GRM5: variants seen among roughly 807,000 people sequenced by gnomAD.
GRM5 encodes the protein glutamate metabotropic receptor 5, also known as metabotropic glutamate receptor 5.
GRM5 carries 19 observed loss-of-function variants against 83.1 expected under a neutral mutation model. The ratio of observed to expected loss-of-function variants is 0.23; its 90% CI spans 0.16 to 0.34. The LOEUF is 0.34. Ranked by LOEUF, GRM5 falls within the 10% of genes least tolerant of loss-of-function variation. GRM5 has a pLI of 1.00. For missense variants in GRM5, 1,160 were observed against 1,588.3 expected, an observed-to-expected ratio of 0.73 and a Z score of 4.58; for synonymous variants, 675 against 633.6, an observed-to-expected ratio of 1.07 and a Z score of -0.98.
At chr11:88,710,804 A>G (rs765356379) in intron 3 of GRM5, among the ~76,000 whole-genome samples, 4 of 152,004 alleles carry the variant, frequency 2.6e-5, no homozygotes, top group Non-Finnish European at 5.9e-5. Context: ...GATACGTAAA[A>G]TCTCTACAAA....
At chr11:88,894,508 G>A (rs979926234) in intron 2 of GRM5, among the ~76,000 whole-genome samples, 8 of 151,928 alleles carry the variant, frequency 5.3e-5, no homozygotes, top group African/African-American at 1.7e-4. Context: ...TGGCACTAAG[G>A]TACTTTCTCT....
chr11:88,908,154 T>A (rs1195928077), intron 2 of GRM5, among the ~76,000 whole-genome samples: 3 of 152,164 alleles, frequency 2.0e-5, no homozygotes, highest in Non-Finnish European at 4.4e-5. Context: ...CATACAAACA[T>A]CATGTTTTCC....
At chr11:88,721,492 A>G (rs1372938137) in intron 3 of GRM5, among the ~76,000 whole-genome samples, 4 of 152,134 alleles carry the variant, frequency 2.6e-5, no homozygotes, top group Non-Finnish European at 2.9e-5. Context: ...GGTTACAAAA[A>G]CACAGTCTAA....
intron 8 of GRM5, among the ~76,000 whole-genome samples, chr11:88,548,450 C>T (rs1942430708): frequency 6.6e-6 from 1 of 152,070 alleles, no homozygotes; most frequent in Non-Finnish European, 1.5e-5. Context: ...TTAAAAAAAT[C>T]CACTGTAATC....
intron 1 of GRM5, among the ~76,000 whole-genome samples, chr11:89,055,979 C>T (rs1420732197): frequency 2.6e-5 from 4 of 152,064 alleles, no homozygotes; most frequent in Non-Finnish European, 5.9e-5. Context: ...GTGGGTAGTA[C>T]CAGAGCCAAG....
intron 3 of GRM5, among the ~76,000 whole-genome samples, chr11:88,719,039 C>T (rs1817214673): frequency 6.6e-6 from 1 of 151,640 alleles, no homozygotes; most frequent in East Asian, 1.9e-4. Context: ...TATTTTTCTC[C>T]TTAACATTTA....
chr11:88,584,574 C>T (rs1943277118), intron 7 of GRM5, among the ~76,000 whole-genome samples: 1 of 152,096 alleles, frequency 6.6e-6, no homozygotes, highest in South Asian at 2.1e-4. Context: ...TCCTGAGTAG[C>T]TGGGATTACA....
intron 1 of GRM5, among the ~76,000 whole-genome samples, chr11:89,064,455 A>C (rs1440892932): frequency 6.6e-6 from 1 of 152,186 alleles, no homozygotes; most frequent in Non-Finnish European, 1.5e-5. Context: ...ACCTCTCAGC[A>C]TGCATTATCC....
intron 2 of GRM5, among the ~76,000 whole-genome samples, chr11:88,921,360 A>C (rs1945690007): frequency 6.6e-6 from 1 of 152,214 alleles, no homozygotes; most frequent in Non-Finnish European, 1.5e-5. Context: ...GCAGTGGCTC[A>C]TGCCTGTAAT....
chr11:88,510,472 A>T (rs1941334324), intron 9 of GRM5, among the ~76,000 whole-genome samples: 1 of 152,126 alleles, frequency 6.6e-6, no homozygotes. Context: ...TCTTTCAGAA[A>T]CTTTACAAAG....
intron 8 of GRM5, among the ~76,000 whole-genome samples, chr11:88,530,989 A>G (rs371922926): frequency 1.3e-5 from 2 of 152,242 alleles, no homozygotes; most frequent in South Asian, 4.1e-4. Flanking sequence ...TCAGAATGAT[A>G]GCCGGGCTTG....
chr11:88,974,279 C>G (rs146775504), intron 2 of GRM5, among the ~76,000 whole-genome samples: 2 of 152,082 alleles, frequency 1.3e-5, no homozygotes, highest in African/African-American at 4.8e-5. Context: ...TGGGCATTTG[C>G]CTTCCCAGCT....
At chr11:88,518,197 T>A (rs1321032725) in intron 9 of GRM5, among the ~76,000 whole-genome samples, 1 of 151,960 alleles carries the variant, frequency 6.6e-6, no homozygotes, top group Non-Finnish European at 1.5e-5. Flanking sequence ...TAGAATATAC[T>A]CTGAGTAGTT....
At chr11:88,995,584 C>G (rs992250523) in intron 2 of GRM5, among the ~76,000 whole-genome samples, 1 of 135,088 alleles carries the variant, frequency 7.4e-6, no homozygotes, top group African/African-American at 2.8e-5. Context: ...CAGTGAAGTA[C>G]ATGGTATAAG....
At chr11:88,894,854 G>C (rs1590945629) in intron 2 of GRM5, among the ~76,000 whole-genome samples, 1 of 152,050 alleles carries the variant, frequency 6.6e-6, no homozygotes, top group South Asian at 2.1e-4. Flanking sequence ...CCCAACATGA[G>C]AATACAATGT....
intron 8 of GRM5, 98 bp from the exon 9 acceptor site, chr11:88,525,502 C>G (rs1474071898): frequency 4.1e-6 from 3 of 730,444 alleles, no homozygotes; most frequent in East Asian, 2.5e-5. Flanking sequence ...GATGGTCACT[C>G]TGTGCCAAAA....
intron 4 of GRM5, among the ~76,000 whole-genome samples, chr11:88,614,466 C>T (rs543485839): frequency 3.3e-5 from 5 of 152,214 alleles, no homozygotes; most frequent in Non-Finnish European, 4.4e-5. Flanking sequence ...AAGGTCTCAC[C>T]TGATGGGATG....
intron 4 of GRM5, among the ~76,000 whole-genome samples, chr11:88,652,914 A>T (rs1262480533): frequency 6.6e-6 from 1 of 152,086 alleles, no homozygotes; most frequent in Non-Finnish European, 1.5e-5. Flanking sequence ...ACAATGCCTT[A>T]TGGAAATACA....
chr11:88,740,294 T>C (rs1942000093), intron 3 of GRM5, among the ~76,000 whole-genome samples: 1 of 152,120 alleles, frequency 6.6e-6, no homozygotes, highest in African/African-American at 2.4e-5. Context: ...AATTCTGCCA[T>C]GGGGAATAAT....
Sources: gnomAD v4.1 joint callset for allele counts (sites outside exome capture counted in the v4.1 genomes callset) on GRCh38, gnomAD v4.1.1 for gene constraint, MANE v1.5 for transcripts, NCBI Gene and HGNC (gene_info 2026-07-23, HGNC 2026-07-21) for gene names.